Variants in GNG3 observed in about 807,000 individuals in gnomAD.
The protein encoded by GNG3 is G protein subunit gamma 3, also known as guanine nucleotide-binding protein G(I)/G(S)/G(O) subunit gamma-3.
Under a neutral mutation model 5.6 loss-of-function variants are expected in GNG3, and 4 were observed. That is an observed-to-expected ratio of 0.71 (90% CI 0.35 to 1.63). The LOEUF (loss-of-function observed/expected upper bound fraction) is 1.63. GNG3 is among the 40% of genes most tolerant of loss of function. The pLI is 0.05. For synonymous variants in GNG3, 30 were observed against 33.5 expected, an observed-to-expected ratio of 0.89 and a Z score of 0.36; for missense variants, 62 against 96.6, an observed-to-expected ratio of 0.64 and a Z score of 1.50.
chr11:62,706,778 C>T (rs1010361761), upstream of GNG3: 6 of 556,216 alleles, frequency 1.1e-5, no homozygotes, highest in Non-Finnish European at 2.1e-5. Flanking sequence ...TGCGTTGTTG[C>T]GCAGGCAGAT....
upstream of GNG3, chr11:62,707,473 T>A: frequency 1.5e-6 from 1 of 677,008 alleles, no homozygotes; most frequent in South Asian, 1.6e-5. Flanking sequence ...GGGGCCGTCA[T>A]AGGCCCAGAC....
At position 62,709,023 on chromosome 11, in the gene GNG3, G is replaced by A. The variant is rs2083588890; in HGVS notation, c.*217G>A. The A allele has an allele frequency of 5.5e-6, 3 of 546,092 alleles. No homozygotes were observed. Among genetic ancestry groups the A allele is most frequent in the Non-Finnish European group, 6.7e-6 (2 of 300,238 alleles). 33.8% of individuals were successfully genotyped at this position (546,092 alleles called of 1,614,324 possible). A position where few individuals can be genotyped will look rare whatever the true frequency, so the allele number is the denominator to read the frequency against. Reference sequence around the variant, plus strand: ...GACCCCAAGCACCCCAGAGATATGAGGCACCCTTTGCTCCACCCACAGCAG... The same window carrying A: ...GACCCCAAGCACCCCAGAGATATGAAGCACCCTTTGCTCCACCCACAGCAG... On this transcript the variant is annotated 3_prime_UTR_variant, in exon 3 of 3. Transcript: ENST00000294117.
At chr11:62,708,170 GAGGAGGAT>G (rs2083574413) in intron 1 of GNG3, 117 bp from the exon 2 acceptor site, 2 of 722,000 alleles carry the variant, frequency 2.8e-6, no homozygotes, top group East Asian at 5.1e-5. Flanking sequence ...GGAGGAGGAG[GAGGAGGAT>G]AGGAGGGGAA....
At chr11:62,707,108 C>A (rs1390466843), upstream of GNG3, 8 of 1,553,094 alleles carry the variant, frequency 5.2e-6, no homozygotes, top group Non-Finnish European at 7.0e-6. Flanking sequence ...AGGGCCCCTA[C>A]CTCCTCTTTG....
chr11:62,707,557 C>T, upstream of GNG3: 1 of 592,580 alleles, frequency 1.7e-6, no homozygotes, highest in Non-Finnish European at 3.0e-6. Flanking sequence ...AGTCAGGATG[C>T]CTGCAATGGG....
At chr11:62,708,117 C>T in intron 1 of GNG3, 178 bp from the exon 2 acceptor site, 2 of 621,422 alleles carry the variant, frequency 3.2e-6, no homozygotes, top group South Asian at 3.7e-5. Context: ...CTCATCCCAC[C>T]CTATTTTTTT....
upstream of GNG3, chr11:62,707,603 G>A (rs1420550018): frequency 3.7e-6 from 2 of 540,788 alleles, no homozygotes; most frequent in South Asian, 2.0e-5. Context: ...CAGTGGGGGT[G>A]TGCGCAGGGA....
At chr11:62,706,713 T>G (rs2083546477), upstream of GNG3, 3 of 490,224 alleles carry the variant, frequency 6.1e-6, no homozygotes, top group Middle Eastern at 3.1e-4. Flanking sequence ...TGTAGGCATC[T>G]AAGGCGGGGG....
chr11:62,707,041 C>A, upstream of GNG3: 1 of 1,353,616 alleles, frequency 7.4e-7, no homozygotes, highest in South Asian at 1.3e-5. Flanking sequence ...TCCATCCCCC[C>A]GCCCCCTTCA....
rs1276869343 is a variant in GNG3, at chr11:62,709,109, T to C, written c.*303T>C. ...TTCCCTCGGTGACCTGCTCAGACAA[T>C]GGAGAGGGATGGGCCAGGTTCTTGC... On this transcript the variant is annotated 3_prime_UTR_variant, in exon 3 of 3. Transcript: ENST00000294117. The C allele has an allele frequency of 2.1e-6, 1 of 476,716 alleles. No individual in the cohort carries two copies. The highest frequency in any genetic ancestry group is 4.1e-6 in the Non-Finnish European group (1 of 244,908). 29.5% of individuals were successfully genotyped at this position (476,716 alleles called of 1,614,324 possible).
upstream of GNG3, chr11:62,706,965 A>C: frequency 1.1e-5 from 8 of 727,824 alleles, no homozygotes; most frequent in Non-Finnish European, 1.9e-5. Context: ...TGTTGTGTAC[A>C]TCTTTGCACA....
At chr11:62,708,555 G>T in intron 2 of GNG3, 123 bp from the exon 3 acceptor site, 1 of 1,406,478 alleles carries the variant, frequency 7.1e-7, no homozygotes, top group Non-Finnish European at 9.8e-7. Flanking sequence ...CTCTGGGGGG[G>T]ATGAGGGAGA....
At chr11:62,707,082 G>A (rs1190144840), upstream of GNG3, 4 of 1,539,358 alleles carry the variant, frequency 2.6e-6, no homozygotes, top group Non-Finnish European at 3.5e-6. Flanking sequence ...GTATATTTCT[G>A]CTGACTGTCC....
At chr11:62,707,484 C>G, upstream of GNG3, 2 of 656,230 alleles carry the variant, frequency 3.0e-6, no homozygotes, top group Non-Finnish European at 5.5e-6. Flanking sequence ...AGGCCCAGAC[C>G]ACGCCATTTG....
Position 62,708,281 on chromosome 11 carries a change from CCT to C in GNG3, c.-1-11_-1-10del, listed in dbSNP as rs1215679533. 1 of 1,556,694 alleles carries C rather than the reference CCT, an allele frequency of 6.4e-7. No individual in the cohort carries two copies. Among genetic ancestry groups the C allele is most frequent in the Non-Finnish European group, 8.9e-7 (1 of 1,127,388 alleles). ...AGCTGAGACTGTGCTCTGAGAGGTC[CCT>C]CTTTTTTCCAGGATGAAAGGTGAGA... On this transcript the variant is annotated splice_polypyrimidine_tract_variant and intron_variant, in intron 1 of 2. Transcript: ENST00000294117.
Position 62,708,912 on chromosome 11 carries a change from C to G in GNG3, c.*106C>G. ...TAGGCTCCTTGCATCCCATCCCTAA[C>G]CCTTGCCTGACCATGTGAGGTTATC... On this transcript the variant is annotated 3_prime_UTR_variant, in exon 3 of 3. Transcript: ENST00000294117. 2.4e-6 allele frequency: 2 copies of G among 846,380 alleles called. No homozygotes were observed. Among genetic ancestry groups the G allele is most frequent in the Non-Finnish European group, 3.9e-6 (2 of 511,304 alleles). The allele number at this position is 846,380 out of a possible 1,614,324, so 52.4% of individuals were successfully genotyped here. A position where few individuals can be genotyped will look rare whatever the true frequency, so the allele number is the denominator to read the frequency against.
At chr11:62,707,348 G>T, upstream of GNG3, 4 of 747,466 alleles carry the variant, frequency 5.4e-6, no homozygotes, top group South Asian at 5.8e-5. Context: ...GAAGATTCAG[G>T]TGCTAAGTGC....
chr11:62,707,833 T>G lies in GNG3; in HGVS notation c.-84T>G, dbSNP rs2083567581. 3.9e-6 allele frequency: 1 copy of G among 253,262 alleles called. No individual in the cohort carries two copies. The highest frequency in any genetic ancestry group is 5.0e-5 in the Admixed American group (1 of 20,092). The allele number at this position is 253,262 out of a possible 1,614,324, so 15.7% of individuals were successfully genotyped here. On this transcript the variant is annotated 5_prime_UTR_variant, in exon 1 of 3. Transcript: ENST00000294117. Reference sequence around the variant, plus strand: ...CTTTCAGCTGCAACTCCCTACTGGGTGGGGCACCCATTTCAGGCAGAAGGT... The same window carrying G: ...CTTTCAGCTGCAACTCCCTACTGGGGGGGGCACCCATTTCAGGCAGAAGGT...
Position 62,708,956 on chromosome 11 carries a change from C to T in GNG3, c.*150C>T, listed in dbSNP as rs2134754218. 3 of 685,612 alleles carry T rather than the reference C, an allele frequency of 4.4e-6. No homozygotes were observed. The East Asian group carries it at 7.6e-5, about 17-fold the overall frequency. 42.5% of individuals were successfully genotyped at this position (685,612 alleles called of 1,614,324 possible). On this transcript the variant is annotated 3_prime_UTR_variant, in exon 3 of 3. Coordinates refer to ENST00000294117, the MANE Select transcript of GNG3 (RefSeq NM_012202.5). ...GGTTATCTGAAGCACAAGGCCCACC[C>T]TCACCTATCTGTCGACCCCATTTCC...
Sources: gnomAD v4.1 joint callset for allele counts on GRCh38, gnomAD v4.1.1 for gene constraint, MANE v1.5 for transcripts, NCBI Gene and HGNC (gene_info 2026-07-23, HGNC 2026-07-21) for gene names.